WWOX: variants seen among roughly 807,000 people sequenced by gnomAD.
The protein encoded by WWOX is WW domain containing oxidoreductase.
WWOX carries 69 observed loss-of-function variants against 46.2 expected under a neutral mutation model. The ratio of observed to expected loss-of-function variants is 1.49; its 90% CI spans 1.23 to 1.82. The LOEUF (loss-of-function observed/expected upper bound fraction) is 1.82. WWOX is among the 40% of genes most tolerant of loss of function. WWOX has a pLI of 0.00. For missense variants in WWOX, 919 were observed against 542.6 expected (o/e 1.69, Z -6.89); for synonymous variants, 359 against 202.6 (o/e 1.77, Z -6.56).
At chr16:78,810,811 A>C (rs868640282) in intron 8 of WWOX, among the ~76,000 whole-genome samples, 6 of 152,100 alleles carry the variant, frequency 3.9e-5, no homozygotes, top group Admixed American at 6.6e-5. Context: ...GGGAAAAAAA[A>C]CTCCCTAAAA....
At chr16:78,317,342 T>G (rs1262536955) in intron 5 of WWOX, among the ~76,000 whole-genome samples, 1 of 152,310 alleles carries the variant, frequency 6.6e-6, no homozygotes, top group Non-Finnish European at 1.5e-5. Context: ...AAGCAGTGTT[T>G]CTTCCCCAGG....
intron 8 of WWOX, among the ~76,000 whole-genome samples, chr16:78,842,735 G>A (rs1043959879): frequency 6.6e-6 from 1 of 152,018 alleles, no homozygotes; most frequent in Non-Finnish European, 1.5e-5. Flanking sequence ...ACCTGTAGCC[G>A]CAGCTACTCA....
intron 8 of WWOX, among the ~76,000 whole-genome samples, chr16:79,155,702 C>T (rs1239457316): frequency 6.6e-6 from 1 of 152,070 alleles, no homozygotes; most frequent in African/African-American, 2.4e-5. Context: ...AGGGAGGGGC[C>T]TCAATTCTAC....
chr16:79,093,685 A>G (rs547703823), intron 8 of WWOX, among the ~76,000 whole-genome samples: 63 of 152,336 alleles, frequency 4.1e-4, no homozygotes, highest in Admixed American at 3.4e-3. Flanking sequence ...AGGCACAGGC[A>G]GTGCTTCAGC....
intron 8 of WWOX, among the ~76,000 whole-genome samples, chr16:78,753,450 A>T (rs2142458740): frequency 6.6e-6 from 1 of 152,286 alleles, no homozygotes; most frequent in Non-Finnish European, 1.5e-5. Context: ...GATACTTCTC[A>T]GTTTTCTTTG....
At chr16:78,363,789 A>T (rs2081467612) in intron 5 of WWOX, among the ~76,000 whole-genome samples, 1 of 152,190 alleles carries the variant, frequency 6.6e-6, no homozygotes, top group Admixed American at 6.5e-5. Context: ...CCTCCAGCTT[A>T]CAGCGGAGAC....
chr16:78,960,822 T>C (rs1298151639), intron 8 of WWOX, among the ~76,000 whole-genome samples: 1 of 152,184 alleles, frequency 6.6e-6, no homozygotes, highest in African/African-American at 2.4e-5. Context: ...TAGCATCCTG[T>C]TTTACTGAAT....
intron 8 of WWOX, among the ~76,000 whole-genome samples, chr16:78,803,255 TC>T (rs2050943387): frequency 6.6e-6 from 1 of 151,836 alleles, no homozygotes; most frequent in Admixed American, 6.6e-5. Context: ...TTTTTTTTTT[TC>T]CTCTCCAAAC....
chr16:78,993,421 C>G (rs1487129326), intron 8 of WWOX, among the ~76,000 whole-genome samples: 2 of 152,152 alleles, frequency 1.3e-5, no homozygotes, highest in African/African-American at 2.4e-5. Flanking sequence ...CTCGCCTCTC[C>G]TCTCGGACAT....
intron 8 of WWOX, among the ~76,000 whole-genome samples, chr16:78,758,104 T>C (rs957924693): frequency 6.6e-6 from 1 of 152,212 alleles, no homozygotes; most frequent in Non-Finnish European, 1.5e-5. Context: ...TTGAAATTTT[T>C]CTTTAAATCA....
intron 8 of WWOX, among the ~76,000 whole-genome samples, chr16:78,906,382 G>A (rs2044964905): frequency 6.6e-6 from 1 of 152,246 alleles, no homozygotes; most frequent in African/African-American, 2.4e-5. Context: ...AATATAGCCT[G>A]ATAAGGATTT....
Position 78,435,218 on chromosome 16 carries a change from A to G in WWOX, c.1056+2466A>G, listed in dbSNP as rs572867396. Among the ~76,000 whole-genome samples, 204 of 152,202 alleles carry G rather than the reference A, an allele frequency of 1.3e-3. 1 individual carries two copies. The highest frequency in any genetic ancestry group is 4.5e-3 in the African/African-American group (187 of 41,542). On this transcript the variant is annotated intron_variant, in intron 8 of 8. Transcript: ENST00000566780. ...CCATGTCGGGGAGGATGCACAATGA[A>G]TTGGACGAAGGTTGCAACTCAGTGA...
chr16:78,791,200 T>A (rs550651589), intron 8 of WWOX, among the ~76,000 whole-genome samples: 2 of 152,158 alleles, frequency 1.3e-5, no homozygotes, highest in African/African-American at 4.8e-5. Context: ...TGTATCTGCG[T>A]AAGGTGCCGG....
At chr16:78,753,825 A>AAAAAAAAAAT (rs2049556906) in intron 8 of WWOX, among the ~76,000 whole-genome samples, 2 of 21,360 alleles carry the variant, frequency 9.4e-5, no homozygotes, top group African/African-American at 9.8e-5. Flanking sequence ...AAAAAAAAAA[A>AAAAAAAAAAT]ATATATATAT....
At chr16:78,406,303 AATATATAT>A (rs532594425) in intron 6 of WWOX, among the ~76,000 whole-genome samples, 3,064 of 57,414 alleles carry the variant, frequency 0.053, 44 homozygotes, top group Admixed American at 0.087. Flanking sequence ...TATAAATATA[AATATATAT>A]ATATATATAT....
At chr16:79,112,460 C>G (rs1243952360) in intron 8 of WWOX, among the ~76,000 whole-genome samples, 3 of 152,134 alleles carry the variant, frequency 2.0e-5, no homozygotes, top group East Asian at 3.9e-4. Flanking sequence ...TCCAGCTTCC[C>G]CAGATGCCTG....
intron 8 of WWOX, among the ~76,000 whole-genome samples, chr16:78,516,132 T>C (rs563293958): frequency 6.6e-6 from 1 of 152,282 alleles, no homozygotes; most frequent in Admixed American, 6.5e-5. Flanking sequence ...CGTGCCCCTT[T>C]CTTTCCGCAG....
intron 8 of WWOX, among the ~76,000 whole-genome samples, chr16:78,440,695 C>G: frequency 6.6e-6 from 1 of 151,906 alleles, no homozygotes. Context: ...CGGCTCACTG[C>G]AACCTCCGCG....
chr16:78,690,641 T>C (rs1297784401), intron 8 of WWOX, among the ~76,000 whole-genome samples: 1 of 150,260 alleles, frequency 6.7e-6, no homozygotes, highest in Non-Finnish European at 1.5e-5. Context: ...ATATTCACAG[T>C]TGCAAACTCA....
Sources: gnomAD v4.1 joint callset for allele counts (sites outside exome capture counted in the v4.1 genomes callset) on GRCh38, gnomAD v4.1.1 for gene constraint, MANE v1.5 for transcripts, NCBI Gene and HGNC (gene_info 2026-07-23, HGNC 2026-07-21) for gene names.